The following LRMDA variants were observed in gnomAD, a reference collection of about 807,000 sequenced individuals.
LRMDA encodes leucine-rich melanocyte differentiation-associated protein.
A neutral mutation model predicts 29.8 loss-of-function variants in LRMDA; 18 were observed. That is an observed-to-expected ratio of 0.60 (90% CI 0.42 to 0.90). The LOEUF is 0.90. LRMDA is among the 40% of genes least tolerant of loss of function. LRMDA has a pLI of 0.00. For synonymous variants in LRMDA, 125 were observed against 109.4 expected (o/e 1.14, Z -0.89); for missense variants, 273 against 273.9 (o/e 1.00, Z 0.02).
In LRMDA at chr10:75,839,709, T is replaced by C. The variant is rs937162869; in HGVS notation, c.132-196299T>C. On this transcript the variant is annotated intron_variant, in intron 2 of 6. Transcript: ENST00000611255. ...GGATGCATCCGACTTTCTTTTTTTT[T>C]TTTTTTTTTTTTTTTTTGAGACAGA... 5.7e-5 allele frequency among the ~76,000 whole-genome samples: 8 copies of C among 140,058 alleles called. No individual in the cohort carries two copies. In the East Asian group the frequency reaches 6.1e-4, roughly 11 times the overall value. 91.9% of individuals were successfully genotyped at this position (140,058 alleles called of 152,430 possible). A position where few individuals can be genotyped will look rare whatever the true frequency, so the allele number is the denominator to read the frequency against.
chr10:76,218,027 C>T (rs1011943852), intron 5 of LRMDA, among the ~76,000 whole-genome samples: 1 of 152,206 alleles, frequency 6.6e-6, no homozygotes, highest in African/African-American at 2.4e-5. Context: ...CTTCCCTTCT[C>T]CCTGCGTACC....
At chr10:76,109,565 T>C (rs1223981698) in intron 5 of LRMDA, among the ~76,000 whole-genome samples, 1 of 152,212 alleles carries the variant, frequency 6.6e-6, no homozygotes, top group East Asian at 1.9e-4. Flanking sequence ...GAAGCCCTCT[T>C]CAGTTCTTTC....
At chr10:76,109,552 C>T (rs1349801715) in intron 5 of LRMDA, among the ~76,000 whole-genome samples, 1 of 152,184 alleles carries the variant, frequency 6.6e-6, no homozygotes, top group East Asian at 1.9e-4. Flanking sequence ...AACCACCCTA[C>T]CAGAAGCCCT....
At chr10:76,186,936 T>C (rs1021296986) in intron 5 of LRMDA, among the ~76,000 whole-genome samples, 1 of 152,236 alleles carries the variant, frequency 6.6e-6, no homozygotes, top group African/African-American at 2.4e-5. Context: ...ACTGGTATTT[T>C]TAGTGATTTT....
intron 2 of LRMDA, among the ~76,000 whole-genome samples, chr10:75,939,776 G>T (rs915550264): frequency 2.0e-5 from 3 of 152,108 alleles, no homozygotes; most frequent in Non-Finnish European, 4.4e-5. Context: ...TAGGTATTTG[G>T]CTCTCAGGCT....
At position 76,501,205 on chromosome 10, in the gene LRMDA, T is replaced by G. The variant is rs1259378636; in HGVS notation, c.602-56004T>G. Among the ~76,000 whole-genome samples, 2 of 138,512 alleles carry G rather than the reference T, an allele frequency of 1.4e-5. 1 individual carries two copies. The highest frequency in any genetic ancestry group is 3.2e-5 in the Non-Finnish European group (2 of 61,584). 90.9% of individuals were successfully genotyped at this position (138,512 alleles called of 152,430 possible). On this transcript the variant is annotated intron_variant, in intron 6 of 6. Coordinates refer to ENST00000611255, the MANE Select transcript of LRMDA (RefSeq NM_001305581.2). ...TATCCATGTTGCTGCAAATGACATT[T>G]CATTATTTGTATAGCTGTGCAGCAT...
At chr10:75,826,248 G>A (rs1391354326) in intron 2 of LRMDA, among the ~76,000 whole-genome samples, 1 of 152,102 alleles carries the variant, frequency 6.6e-6, no homozygotes, top group Non-Finnish European at 1.5e-5. Context: ...AGAAGCTGGA[G>A]TCTCAAAAAG....
chr10:75,744,028 G>A (rs1337327172), intron 2 of LRMDA, among the ~76,000 whole-genome samples: 1 of 152,214 alleles, frequency 6.6e-6, no homozygotes, highest in East Asian at 1.9e-4. Flanking sequence ...TGTTGAAACA[G>A]TTGGGCCCCA....
chr10:76,142,760 A>G (rs1233861454), intron 5 of LRMDA, among the ~76,000 whole-genome samples: 1 of 151,480 alleles, frequency 6.6e-6, no homozygotes, highest in Non-Finnish European at 1.5e-5. Flanking sequence ...TTACATATGT[A>G]TACATGTGCC....
In LRMDA at chr10:75,459,972, T is replaced by C. The variant is rs149204511; in HGVS notation, c.131+21478T>C. ...ACACTGTTGCATTGGGGATTAAGTT[T>C]CCAATACATGAACTTTGGGGAACAC... is the stretch of plus-strand genomic sequence containing the variant. On this transcript the variant is annotated intron_variant, in intron 2 of 6. Transcript: ENST00000611255. 3.5e-3 allele frequency among the ~76,000 whole-genome samples: 535 copies of C among 152,338 alleles called. 7 individuals carry two copies. The highest frequency in any genetic ancestry group is 0.012 in the African/African-American group (516 of 41,580).
At chr10:76,138,612 A>G (rs1850140939) in intron 5 of LRMDA, among the ~76,000 whole-genome samples, 1 of 152,188 alleles carries the variant, frequency 6.6e-6, no homozygotes, top group African/African-American at 2.4e-5. Context: ...GCTTGTAGAT[A>G]GAACAGTTTT....
intron 2 of LRMDA, among the ~76,000 whole-genome samples, chr10:75,867,319 C>T (rs1175837419): frequency 4.6e-5 from 7 of 152,154 alleles, no homozygotes; most frequent in Non-Finnish European, 1.0e-4. Context: ...CCCGCCACCA[C>T]GCCTGGCTAA....
At chr10:76,354,515 A>T (rs1338767426) in intron 6 of LRMDA, among the ~76,000 whole-genome samples, 1 of 152,184 alleles carries the variant, frequency 6.6e-6, no homozygotes, top group Non-Finnish European at 1.5e-5. Context: ...ATCAAATCCC[A>T]TAACCCATTG....
chr10:75,561,662 G>A (rs1374394567), intron 2 of LRMDA, among the ~76,000 whole-genome samples: 65 of 142,908 alleles, frequency 4.5e-4, no homozygotes, highest in South Asian at 1.2e-3. Flanking sequence ...TCTCTTGTGG[G>A]CATTTAGTGC....
chr10:76,365,085 C>CATATAT (rs554375602), intron 6 of LRMDA, among the ~76,000 whole-genome samples: 11 of 69,754 alleles, frequency 1.6e-4, no homozygotes, highest in Non-Finnish European at 2.8e-4. Context: ...CACACACACA[C>CATATAT]ATATATATAT....
At chr10:75,554,902 T>C (rs531529054) in intron 2 of LRMDA, among the ~76,000 whole-genome samples, 10 of 152,322 alleles carry the variant, frequency 6.6e-5, no homozygotes, top group African/African-American at 1.9e-4. Flanking sequence ...TCTTTTTATA[T>C]TTCCTTAAAG....
At chr10:76,071,085 G>C (rs182506279) in intron 5 of LRMDA, among the ~76,000 whole-genome samples, 2 of 152,158 alleles carry the variant, frequency 1.3e-5, no homozygotes, top group South Asian at 2.1e-4. Flanking sequence ...GAGTGACCTC[G>C]CACTCAACTC....
intron 6 of LRMDA, among the ~76,000 whole-genome samples, chr10:76,427,660 G>C (rs1842143344): frequency 6.6e-6 from 1 of 152,150 alleles, no homozygotes; most frequent in African/African-American, 2.4e-5. Context: ...AGTGGTGAGA[G>C]AGGGCATCCC....
intron 6 of LRMDA, among the ~76,000 whole-genome samples, chr10:76,339,912 A>G (rs1285724243): frequency 6.6e-6 from 1 of 151,616 alleles, no homozygotes; most frequent in Admixed American, 6.6e-5. Context: ...TTTATTCCAG[A>G]AAATAAAAAA....
Sources: gnomAD v4.1 joint callset for allele counts (sites outside exome capture counted in the v4.1 genomes callset) on GRCh38, gnomAD v4.1.1 for gene constraint, MANE v1.5 for transcripts, NCBI Gene and HGNC (gene_info 2026-07-23, HGNC 2026-07-21) for gene names.